TTC21B: variants seen among roughly 807,000 people sequenced by gnomAD.
TTC21B encodes the protein tetratricopeptide repeat protein 21B.
Under a neutral mutation model 175.1 loss-of-function variants are expected in TTC21B, and 127 were observed. The ratio of observed to expected loss-of-function variants is 0.73; its 90% CI spans 0.63 to 0.84. TTC21B has a LOEUF of 0.84. Ranked by LOEUF, TTC21B falls within the 40% of genes least tolerant of loss-of-function variation. The pLI, the probability that TTC21B is intolerant of heterozygous loss-of-function variation, is 0.00. For synonymous variants in TTC21B, 524 were observed against 524.5 expected, an observed-to-expected ratio of 1.00 and a Z score of 0.01; for missense variants, 1,561 against 1,558.3, an observed-to-expected ratio of 1.00 and a Z score of -0.03.
rs1335538266 is a variant in TTC21B, at chr2:165,907,699, A to G, written c.2547T>C (p.Asp849=). ...TTACCTGTTGTAATGCAGTGATCGC[A>G]TCACCAAGTTTTTCCATTTTACTAT... ...KVYSKMEKLG[D]AITALQQARE... The change falls in exon 19 of 29, where the codon GAT becomes GAC. Residue 849 remains aspartate (D), a synonymous_variant. Transcript: ENST00000243344. 2 of 1,612,300 alleles carry G rather than the reference A, an allele frequency of 1.2e-6. No individual in the cohort carries two copies. The highest frequency in any genetic ancestry group is 4.5e-5 in the East Asian group (2 of 44,768).
At chr2:165,914,837 G>A (rs77463473) in intron 15 of TTC21B, among the ~76,000 whole-genome samples, 2,802 of 151,456 alleles carry the variant, frequency 0.019, 125 homozygotes, top group Admixed American at 0.1. Context: ...CTACTATATC[G>A]ACTAATAAAT....
chr2:165,953,108 C>A (rs1422948863), intron 1 of TTC21B, among the ~76,000 whole-genome samples: 1 of 152,212 alleles, frequency 6.6e-6, no homozygotes, highest in Non-Finnish European at 1.5e-5. Context: ...AGAAGACCAA[C>A]ATCCGAAAAG....
chr2:165,875,467 T>C (rs1162070934), intron 28 of TTC21B, among the ~76,000 whole-genome samples: 1 of 152,170 alleles, frequency 6.6e-6, no homozygotes, highest in Admixed American at 6.5e-5. Flanking sequence ...TAATGAACTT[T>C]TCTTGGAGGT....
intron 22 of TTC21B, among the ~76,000 whole-genome samples, chr2:165,893,439 T>G (rs1458005560): frequency 6.6e-6 from 1 of 152,192 alleles, no homozygotes. Context: ...TATATACTAT[T>G]GAAATGTATT....
chr2:165,938,593 A>ACAC (rs1687251603), intron 6 of TTC21B, among the ~76,000 whole-genome samples: 1 of 152,204 alleles, frequency 6.6e-6, no homozygotes, highest in Non-Finnish European at 1.5e-5. Flanking sequence ...AAGTTGTACT[A>ACAC]CACCATGGCA....
chr2:165,909,276 CAA>C (rs1403310622), intron 18 of TTC21B, among the ~76,000 whole-genome samples: 1 of 151,666 alleles, frequency 6.6e-6, no homozygotes, highest in Non-Finnish European at 1.5e-5. Context: ...AAAATGAAAA[CAA>C]TATAAATGAC....
intron 1 of TTC21B, among the ~76,000 whole-genome samples, chr2:165,950,227 C>T (rs915666962): frequency 5.3e-5 from 8 of 152,136 alleles, no homozygotes; most frequent in East Asian, 3.8e-4. Context: ...TTATCTTACT[C>T]GGCTTTGAGT....
intron 6 of TTC21B, among the ~76,000 whole-genome samples, chr2:165,934,488 G>A (rs10930189): frequency 0.83 from 101,694 of 122,918 alleles, 42,421 homozygotes; most frequent in Admixed American, 0.91. Context: ...GGCAACAAGC[G>A]AGACTCTGTC....
At chr2:165,911,183 A>T in intron 18 of TTC21B, 144 bp downstream of exon 18, 1 of 965,290 alleles carries the variant, frequency 1.0e-6, no homozygotes, top group Non-Finnish European at 1.6e-6. Flanking sequence ...GTAGAGTGGC[A>T]TTCTGATAAA....
In TTC21B at chr2:165,901,723, T is replaced by G; in HGVS notation, c.2756A>C (p.Lys919Thr). Residue 919 changes from lysine (K) to threonine (T), a missense_variant and splice_region_variant, in exon 20 of 29, where the codon AAG becomes ACG. Coordinates refer to ENST00000243344, the MANE Select transcript of TTC21B (RefSeq NM_024753.5). ...TTAAAATTTTATAAAGGTACTGACC[T>G]TATTATCTGTTTCGCAGTGAACCAG... is the stretch of plus-strand genomic sequence containing the variant. The part of the protein sequence containing the change: ...EALVHCETDN[K>T]IMLELARLYL... 5.0e-6 allele frequency: 8 copies of G among 1,613,538 alleles called. No homozygotes were observed. Among genetic ancestry groups the G allele is most frequent in the Non-Finnish European group, 6.8e-6 (8 of 1,179,446 alleles).
chr2:165,901,666 G>A, intron 20 of TTC21B, 56 bp downstream of exon 20: 8 of 1,533,428 alleles, frequency 5.2e-6, no homozygotes, highest in South Asian at 1.1e-5. Context: ...TTACATCTGA[G>A]GAAATTAGAA....
intron 22 of TTC21B, among the ~76,000 whole-genome samples, chr2:165,892,265 A>G (rs1231715723): frequency 6.6e-6 from 1 of 152,178 alleles, no homozygotes; most frequent in African/African-American, 2.4e-5. Flanking sequence ...ATTAAAACAC[A>G]CAAACAAAAA....
intron 11 of TTC21B, chr2:165,928,670 A>G (rs1375752215): frequency 1.1e-5 from 2 of 175,062 alleles, no homozygotes; most frequent in Non-Finnish European, 2.4e-5. Context: ...CCCTATGTCA[A>G]TCTAGGGAGC....
At chr2:165,940,609 G>A (rs1687329139) in intron 6 of TTC21B, among the ~76,000 whole-genome samples, 1 of 152,142 alleles carries the variant, frequency 6.6e-6, no homozygotes, top group African/African-American at 2.4e-5. Context: ...TTTAGAAGAT[G>A]GCTCAAAGGT....
intron 11 of TTC21B, among the ~76,000 whole-genome samples, chr2:165,927,705 A>G (rs1370769445): frequency 6.6e-6 from 1 of 152,028 alleles, no homozygotes; most frequent in East Asian, 1.9e-4. Context: ...AGCAAGGGAA[A>G]ATGGATTATG....
At chr2:165,939,810 A>G (rs183683944) in intron 6 of TTC21B, among the ~76,000 whole-genome samples, 128 of 152,314 alleles carry the variant, frequency 8.4e-4, no homozygotes, top group Admixed American at 1.7e-3. Context: ...CAGCTGAAGC[A>G]AACTCTATCC....
chr2:165,920,814 A>ATATTTTGAAATATTTTAAATATTT (rs1559060477), intron 12 of TTC21B, among the ~76,000 whole-genome samples: 25 of 151,986 alleles, frequency 1.6e-4, no homozygotes, highest in East Asian at 3.9e-4. Context: ...AATATTTAAA[A>ATATTTTGAAATATTTTAAATATTT]ATGAGAAGTG....
intron 3 of TTC21B, among the ~76,000 whole-genome samples, chr2:165,946,607 G>T (rs1687575378): frequency 6.6e-6 from 1 of 152,152 alleles, no homozygotes; most frequent in Admixed American, 6.5e-5. Flanking sequence ...GGAGGCCGAG[G>T]TGGGTGGATC....
chr2:165,881,447 G>A lies in TTC21B; in HGVS notation c.3685-648C>T, dbSNP rs116766159. ...TGTAACTGGTCAATGTTTTGATCTA[G>A]TCTCTTGATCCAGAGGTTTCCCTTC... On this transcript the variant is annotated intron_variant, in intron 26 of 28. Transcript: ENST00000243344. Among the ~76,000 whole-genome samples the A allele has an allele frequency of 7.5e-3, 1,138 of 152,198 alleles. 16 individuals carry two copies. Among genetic ancestry groups the A allele is most frequent in the African/African-American group, 0.026 (1,081 of 41,568 alleles).
Sources: gnomAD v4.1 joint callset for allele counts (sites outside exome capture counted in the v4.1 genomes callset) on GRCh38, gnomAD v4.1.1 for gene constraint, MANE v1.5 for transcripts, NCBI Gene and HGNC (gene_info 2026-07-23, HGNC 2026-07-21) for gene names.